HS3ST4: variants seen among roughly 807,000 people sequenced by gnomAD.
The protein encoded by HS3ST4 is heparan sulfate glucosamine 3-O-sulfotransferase 4.
A neutral mutation model predicts 29.2 loss-of-function variants in HS3ST4; 17 were observed. That is an observed-to-expected ratio of 0.58 (90% confidence interval 0.40 to 0.87). HS3ST4 has a LOEUF of 0.87. Among genes scored for constraint, HS3ST4 ranks in the 40% least tolerant of loss-of-function variants. The pLI is 0.00. For missense variants in HS3ST4, 627 were observed against 634.5 expected, an observed-to-expected ratio of 0.99 and a Z score of 0.13; for synonymous variants, 314 against 285.7, an observed-to-expected ratio of 1.10 and a Z score of -1.00.
intron 1 of HS3ST4, among the ~76,000 whole-genome samples, chr16:25,828,266 T>TCTCTCTCTCTCTCTCTCTC (rs1967247254): frequency 3.6e-5 from 3 of 82,258 alleles, no homozygotes; most frequent in African/African-American, 1.6e-4. Context: ...CTTTCTTTCT[T>TCTCTCTCTCTCTCTCTCTC]TCTTTCTTTC....
At chr16:25,921,475 T>A (rs995320049) in intron 1 of HS3ST4, among the ~76,000 whole-genome samples, 9 of 152,178 alleles carry the variant, frequency 5.9e-5, no homozygotes, top group Non-Finnish European at 4.4e-5. Context: ...CAGATTTAAA[T>A]TGAGTTGACA....
At chr16:26,094,116 A>C (rs1898893819) in intron 1 of HS3ST4, among the ~76,000 whole-genome samples, 1 of 152,236 alleles carries the variant, frequency 6.6e-6, no homozygotes, top group African/African-American at 2.4e-5. Flanking sequence ...GGACTGTGTG[A>C]AAAGACCAAA....
chr16:26,136,402 T>A lies in HS3ST4; in HGVS notation c.*154T>A. ...AGGATTGCCTCCAGTGCTGTTAGCT[T>A]AGGCAAACAGGTGGATCCCATGGCA... On this transcript the variant is annotated 3_prime_UTR_variant, in exon 2 of 2. Transcript: ENST00000331351. The A allele has an allele frequency of 1.4e-6, 1 of 719,256 alleles. No homozygotes were observed. The highest frequency in any genetic ancestry group is 2.2e-6 in the Non-Finnish European group (1 of 446,402). The allele number at this position is 719,256 out of a possible 1,614,324, so 44.6% of individuals were successfully genotyped here.
intron 1 of HS3ST4, among the ~76,000 whole-genome samples, chr16:25,970,239 C>T (rs1003767711): frequency 1.3e-5 from 2 of 152,180 alleles, no homozygotes; most frequent in African/African-American, 4.8e-5. Context: ...ATTACCTGTC[C>T]AAGCCTGACT....
At chr16:25,927,625 G>A (rs940810578) in intron 1 of HS3ST4, among the ~76,000 whole-genome samples, 1 of 151,726 alleles carries the variant, frequency 6.6e-6, no homozygotes, top group African/African-American at 2.4e-5. Flanking sequence ...TGAGGAGCAT[G>A]GTAAACTGGA....
At chr16:25,891,972 A>C (rs1227039570) in intron 1 of HS3ST4, among the ~76,000 whole-genome samples, 4 of 152,214 alleles carry the variant, frequency 2.6e-5, no homozygotes, top group Admixed American at 2.0e-4. Flanking sequence ...TGAAGATTAC[A>C]TGAACTCATA....
At chr16:25,900,781 G>A (rs1265419487) in intron 1 of HS3ST4, among the ~76,000 whole-genome samples, 2 of 133,702 alleles carry the variant, frequency 1.5e-5, no homozygotes, top group African/African-American at 2.5e-5. Context: ...CTGTAACATG[G>A]GACCTCAGGG....
At chr16:26,106,267 A>G (rs1899055638) in intron 1 of HS3ST4, among the ~76,000 whole-genome samples, 1 of 152,192 alleles carries the variant, frequency 6.6e-6, no homozygotes, top group Non-Finnish European at 1.5e-5. Flanking sequence ...TAAACTCCCC[A>G]TTGGCCTCAC....
chr16:26,061,052 T>C (rs1303228960), intron 1 of HS3ST4, among the ~76,000 whole-genome samples: 1 of 152,248 alleles, frequency 6.6e-6, no homozygotes, highest in Non-Finnish European at 1.5e-5. Flanking sequence ...GGCTTGTTTA[T>C]TTCTTCTCTA....
At chr16:25,807,057 C>T (rs1317537637) in intron 1 of HS3ST4, among the ~76,000 whole-genome samples, 10 of 152,144 alleles carry the variant, frequency 6.6e-5, no homozygotes, top group East Asian at 1.9e-4. Context: ...ATTGCAACCT[C>T]GACTTCCCAG....
In HS3ST4 at chr16:25,861,834, G is replaced by C. The variant is rs561858837; in HGVS notation, c.734+168683G>C. ...AGTTTTTGAAATTTACATGAGCAAA[G>C]TTATACTGTAACTTTATGCATGATT... On this transcript the variant is annotated intron_variant, in intron 1 of 1. Coordinates refer to ENST00000331351, the MANE Select transcript of HS3ST4 (RefSeq NM_006040.3). Among the ~76,000 whole-genome samples the C allele has an allele frequency of 1.6e-3, 242 of 152,304 alleles. 2 individuals are homozygous for C. Among genetic ancestry groups the C allele is most frequent in the African/African-American group, 5.5e-3 (229 of 41,568 alleles).
intron 1 of HS3ST4, among the ~76,000 whole-genome samples, chr16:25,930,821 G>A (rs533222009): frequency 2.0e-5 from 3 of 152,228 alleles, no homozygotes; most frequent in East Asian, 3.9e-4. Flanking sequence ...GCAAATGTCC[G>A]GGTGCTGGCC....
intron 1 of HS3ST4, among the ~76,000 whole-genome samples, chr16:25,943,577 G>T (rs1237870795): frequency 2.0e-5 from 3 of 152,070 alleles, no homozygotes; most frequent in Non-Finnish European, 4.4e-5. Context: ...AAATACTGAG[G>T]ATGATTTCTT....
At chr16:26,064,489 C>G (rs910469943) in intron 1 of HS3ST4, among the ~76,000 whole-genome samples, 2 of 151,918 alleles carry the variant, frequency 1.3e-5, no homozygotes, top group Non-Finnish European at 2.9e-5. Context: ...GGGAAAAACA[C>G]AGGGTACATA....
intron 1 of HS3ST4, among the ~76,000 whole-genome samples, chr16:26,118,086 G>A (rs890081644): frequency 6.6e-6 from 1 of 152,192 alleles, no homozygotes; most frequent in South Asian, 2.1e-4. Context: ...CTTTTTAAAA[G>A]ACAGGGTCTC....
intron 1 of HS3ST4, among the ~76,000 whole-genome samples, chr16:25,710,930 C>A (rs895226325): frequency 6.7e-6 from 1 of 150,242 alleles, no homozygotes; most frequent in Admixed American, 6.7e-5. Context: ...GATCCTCCAG[C>A]CTCAGCCTCC....
intron 1 of HS3ST4, among the ~76,000 whole-genome samples, chr16:25,790,965 C>T (rs1240389769): frequency 6.6e-6 from 1 of 152,028 alleles, no homozygotes; most frequent in Non-Finnish European, 1.5e-5. Flanking sequence ...AAAATTAAGA[C>T]TTTATCTCAA....
chr16:26,112,014 C>CAAAA lies in HS3ST4; in HGVS notation c.735-23585_735-23582dup, dbSNP rs33971867. 9.7e-4 allele frequency among the ~76,000 whole-genome samples: 132 copies of CAAAA among 136,302 alleles called. 1 individual carries two copies. The highest frequency in any genetic ancestry group is 2.2e-3 in the South Asian group (9 of 4,076). 89.4% of individuals were successfully genotyped at this position (136,302 alleles called of 152,430 possible). A position where few individuals can be genotyped will look rare whatever the true frequency, so the allele number is the denominator to read the frequency against. On this transcript the variant is annotated intron_variant, in intron 1 of 1. Coordinates refer to ENST00000331351, the MANE Select transcript of HS3ST4 (RefSeq NM_006040.3). ...CCCGGCGACAGAGTGAGACTCCACTCAAAAAAAAAAAAAAAATTCTCTTTT... is the reference window on the plus strand; with the variant it reads ...CCCGGCGACAGAGTGAGACTCCACTCAAAAAAAAAAAAAAAAAAAATTCTCTTTT...
chr16:25,978,942 G>GT (rs34078514), intron 1 of HS3ST4, among the ~76,000 whole-genome samples: 3,497 of 132,164 alleles, frequency 0.026, 227 homozygotes, highest in African/African-American at 0.094. Context: ...TTCTCTTTTT[G>GT]TTTTTTTTTT....
Sources: gnomAD v4.1 joint callset for allele counts (sites outside exome capture counted in the v4.1 genomes callset) on GRCh38, gnomAD v4.1.1 for gene constraint, MANE v1.5 for transcripts, NCBI Gene and HGNC (gene_info 2026-07-23, HGNC 2026-07-21) for gene names.